ZNF516: variants seen among roughly 807,000 people sequenced by gnomAD.
The protein encoded by ZNF516 is zinc finger protein 516.
Under a neutral mutation model 79.7 loss-of-function variants are expected in ZNF516, and 19 were observed. That is an observed-to-expected ratio of 0.24 (90% CI 0.17 to 0.35). The LOEUF (loss-of-function observed/expected upper bound fraction) is 0.35. Ranked by LOEUF, ZNF516 falls within the 10% of genes least tolerant of loss-of-function variation. The pLI, the probability that ZNF516 is intolerant of heterozygous loss-of-function variation, is 1.00. For missense variants in ZNF516, 1,678 were observed against 1,679.5 expected (o/e 1.00, Z 0.02); for synonymous variants, 877 against 739.5 (o/e 1.19, Z -3.02).
intron 3 of ZNF516, chr18:76,387,505 T>C (rs1325967157): frequency 6.6e-6 from 1 of 152,198 alleles, no homozygotes; most frequent in African/African-American, 2.4e-5. Flanking sequence ...CAAATTGTTT[T>C]AATATATTTT....
chr18:76,362,482 C>T lies in ZNF516; in HGVS notation c.*16G>A, dbSNP rs771362148. The stretch of plus-strand genomic sequence containing the variant: ...ATGGCCGTTACGGGGACCTGGGGTG[C>T]GTCGGAAACACGCCTTTAGGTTCCC... On this transcript the variant is annotated 3_prime_UTR_variant, in exon 7 of 7. Transcript: ENST00000443185. 9 of 1,611,524 alleles carry T rather than the reference C, an allele frequency of 5.6e-6. No individual in the cohort carries two copies. The East Asian group carries it at 1.6e-4, about 28-fold the overall frequency.
chr18:76,404,454 TGAGC>T (rs1301076307), intron 3 of ZNF516, among the ~76,000 whole-genome samples: 5 of 151,944 alleles, frequency 3.3e-5, no homozygotes, highest in Non-Finnish European at 5.9e-5. Context: ...TGCATGTGTG[TGAGC>T]AAGTTTGTGT....
chr18:76,424,637 AAC>A (rs2075565539), intron 3 of ZNF516, among the ~76,000 whole-genome samples: 1 of 117,006 alleles, frequency 8.5e-6, no homozygotes, highest in Non-Finnish European at 1.7e-5. Flanking sequence ...GCTCCCCCGA[AAC>A]ACACGCAGGT....
intron 3 of ZNF516, among the ~76,000 whole-genome samples, chr18:76,440,761 T>TGTGTGTGTGTGTGTGTGTGTGCGC (rs571461431): frequency 1.3e-4 from 20 of 150,244 alleles, no homozygotes; most frequent in African/African-American, 4.2e-4. Context: ...TGTGTGTGTG[T>TGTGTGTGTGTGTGTGTGTGTGCGC]GCGCGCACGC....
intron 3 of ZNF516, among the ~76,000 whole-genome samples, chr18:76,404,422 C>A (rs2075273157): frequency 6.6e-6 from 1 of 152,080 alleles, no homozygotes; most frequent in Non-Finnish European, 1.5e-5. Flanking sequence ...GGTGAGTGAG[C>A]ATGTGTGCAC....
intron 3 of ZNF516, among the ~76,000 whole-genome samples, chr18:76,383,589 C>T (rs1166258820): frequency 7.2e-6 from 1 of 139,616 alleles, no homozygotes; most frequent in Non-Finnish European, 1.5e-5. Context: ...CCCTCTTCCC[C>T]ACCAGGCACC....
In ZNF516 at chr18:76,378,757, A is replaced by C. The variant is rs574434879; in HGVS notation, c.3259+98T>G. The C allele has an allele frequency of 4.8e-4, 713 of 1,477,546 alleles. 4 individuals are homozygous for C. Among genetic ancestry groups the C allele is most frequent in the South Asian group, 3.4e-3 (250 of 73,456 alleles). The allele number at this position is 1,477,546 out of a possible 1,614,324, so 91.5% of individuals were successfully genotyped here. ...GATGGGGCCGGCTGGCTCTGTCCTCAGGGACATGGACAGGCAGGTGCGCAG... is the reference window on the plus strand; with the variant it reads ...GATGGGGCCGGCTGGCTCTGTCCTCCGGGACATGGACAGGCAGGTGCGCAG... On this transcript the variant is annotated intron_variant, in intron 4 of 6. Coordinates refer to ENST00000443185, the MANE Select transcript of ZNF516 (RefSeq NM_014643.4).
At chr18:76,419,461 A>G (rs181522701) in intron 3 of ZNF516, among the ~76,000 whole-genome samples, 5 of 152,250 alleles carry the variant, frequency 3.3e-5, no homozygotes, top group African/African-American at 4.8e-5. Context: ...TGCACGTAAT[A>G]TAACAATACA....
Position 76,379,447 on chromosome 18 carries a change from T to C in ZNF516, c.2667A>G (p.Lys889=), listed in dbSNP as rs2074850818. 6 of 1,612,976 alleles carry C rather than the reference T, an allele frequency of 3.7e-6. No individual in the cohort carries two copies. The highest frequency in any genetic ancestry group is 5.1e-6 in the Non-Finnish European group (6 of 1,179,736). The change falls in exon 4 of 7, where the codon AAA becomes AAG. Residue 889 remains lysine (K), a synonymous_variant. Coordinates refer to ENST00000443185, the MANE Select transcript of ZNF516 (RefSeq NM_014643.4). ...CATGTGGCTCCTGGCCGTGACAAGG[T>C]TTGGTCTGTCGATACCCGTCAGGGC... The part of the protein sequence containing the change: ...APGPDGYRQT[K]PCHGQEPHGA...
At chr18:76,454,879 T>C (rs1416727365) in intron 2 of ZNF516, among the ~76,000 whole-genome samples, 5 of 152,224 alleles carry the variant, frequency 3.3e-5, no homozygotes, top group African/African-American at 4.8e-5. Flanking sequence ...GAAGTGATCA[T>C]AAACAACCTT....
In ZNF516 at chr18:76,361,039, T is replaced by C. The variant is rs2074530549; in HGVS notation, c.*1459A>G. ...TGTACATGTAAAATTATTGCTTTTT[T>C]GAAAAATATATTTAGCATGCTCGTT... On this transcript the variant is annotated 3_prime_UTR_variant, in exon 7 of 7. Transcript: ENST00000443185. 6.6e-6 allele frequency: 1 copy of C among 151,976 alleles called. No individual in the cohort carries two copies. The highest frequency in any genetic ancestry group is 1.5e-5 in the Non-Finnish European group (1 of 68,000). 9.4% of individuals were successfully genotyped at this position (151,976 alleles called of 1,614,324 possible).
At chr18:76,448,416 G>A (rs780612761) in intron 2 of ZNF516, among the ~76,000 whole-genome samples, 21 of 152,336 alleles carry the variant, frequency 1.4e-4, no homozygotes, top group Non-Finnish European at 2.5e-4. Flanking sequence ...ATACAGAGCA[G>A]AAAAGTCACT....
intron 3 of ZNF516, among the ~76,000 whole-genome samples, chr18:76,420,381 C>T (rs2075490933): frequency 6.6e-6 from 1 of 152,096 alleles, no homozygotes; most frequent in African/African-American, 2.4e-5. Flanking sequence ...CTATTTTTTG[C>T]TTATTTCTGT....
At chr18:76,402,596 C>T (rs1415927045) in intron 3 of ZNF516, among the ~76,000 whole-genome samples, 1 of 152,200 alleles carries the variant, frequency 6.6e-6, no homozygotes, top group Admixed American at 6.5e-5. Context: ...AACTTACACT[C>T]GGGCACTCAC....
intron 1 of ZNF516, among the ~76,000 whole-genome samples, chr18:76,485,401 C>T (rs1316145841): frequency 1.3e-5 from 2 of 152,230 alleles, no homozygotes; most frequent in African/African-American, 4.8e-5. Context: ...AGGCAACGTG[C>T]ACTCACACGC....
At chr18:76,460,350 C>T (rs1913023806) in intron 2 of ZNF516, among the ~76,000 whole-genome samples, 1 of 152,208 alleles carries the variant, frequency 6.6e-6, no homozygotes, top group African/African-American at 2.4e-5. Context: ...GTCTTCCTGC[C>T]TCCCTGTTAC....
At chr18:76,415,163 A>G (rs753314985) in intron 3 of ZNF516, among the ~76,000 whole-genome samples, 2 of 152,138 alleles carry the variant, frequency 1.3e-5, no homozygotes, top group Non-Finnish European at 2.9e-5. Context: ...GCCCCATTGC[A>G]CTCCAGCAGC....
intron 2 of ZNF516, among the ~76,000 whole-genome samples, chr18:76,450,185 G>GC (rs67121807): frequency 2.2e-4 from 4 of 18,030 alleles, no homozygotes; most frequent in Middle Eastern, 0.031. Context: ...TGAAACTAAA[G>GC]GGGGGGGGGT....
intron 1 of ZNF516, among the ~76,000 whole-genome samples, chr18:76,474,550 T>C (rs1196846351): frequency 6.6e-6 from 1 of 152,178 alleles, no homozygotes; most frequent in Non-Finnish European, 1.5e-5. Flanking sequence ...TGTCAAAATT[T>C]ATGGTACACA....
Sources: allele counts gnomAD v4.1 joint callset (sites outside exome capture counted in the v4.1 genomes callset), GRCh38; gene constraint gnomAD v4.1.1; transcripts MANE v1.5; gene names NCBI Gene and HGNC (gene_info 2026-07-23, HGNC 2026-07-21).